Variants in MYRIP observed in about 807,000 individuals in gnomAD.
MYRIP encodes rab effector MyRIP.
In MYRIP, 49 loss-of-function variants were observed where a neutral mutation model predicts 98.0. The observed-to-expected ratio is 0.50, with a 90% CI of 0.40 to 0.63. MYRIP has a LOEUF of 0.63. Among genes scored for constraint, MYRIP ranks in the 30% least tolerant of loss-of-function variants. The pLI is 0.00. For missense variants in MYRIP, 1,004 were observed against 1,058.2 expected (o/e 0.95, Z 0.71); for synonymous variants, 404 against 409.5 (o/e 0.99, Z 0.16).
intron 3 of MYRIP, among the ~76,000 whole-genome samples, chr3:40,083,539 T>G (rs879335426): frequency 6.6e-6 from 1 of 151,846 alleles, no homozygotes; most frequent in African/African-American, 2.4e-5. Flanking sequence ...CAGAGAAGAG[T>G]CTCTGCCTTT....
chr3:39,872,729 G>C (rs962463554), intron 1 of MYRIP, among the ~76,000 whole-genome samples: 7 of 151,934 alleles, frequency 4.6e-5, no homozygotes, highest in Non-Finnish European at 7.4e-5. Context: ...TCTTAATCCA[G>C]TCTATCATTG....
Position 40,210,018 on chromosome 3 carries a change from G to A in MYRIP, c.1830G>A (p.Lys610=), listed in dbSNP as rs777338999. 1.2e-6 allele frequency: 2 copies of A among 1,614,124 alleles called. No homozygotes were observed. The highest frequency in any genetic ancestry group is 1.7e-6 in the Non-Finnish European group (2 of 1,179,986). The part of the protein sequence containing the change: ...SSGEDQESEP[K]TESENQKESL... ...GGGAGGATCAGGAGTCTGAGCCCAA[G>A]ACAGAATCTGAGAACCAGAAGGAAA... Residue 610 remains lysine (K), a synonymous_variant, in exon 11 of 17, where the codon AAG becomes AAA. Coordinates refer to ENST00000302541, the MANE Select transcript of MYRIP (RefSeq NM_015460.4).
intron 3 of MYRIP, among the ~76,000 whole-genome samples, chr3:40,114,620 G>A (rs1415661192): frequency 1.3e-5 from 2 of 152,200 alleles, no homozygotes; most frequent in Non-Finnish European, 2.9e-5. Context: ...GAAAAAAGGA[G>A]CAAAGTTCAG....
intron 2 of MYRIP, among the ~76,000 whole-genome samples, chr3:39,959,179 A>G (rs1945254226): frequency 6.6e-6 from 1 of 152,240 alleles, no homozygotes; most frequent in African/African-American, 2.4e-5. Context: ...ATTACTGGGT[A>G]CATAAAGGAT....
intron 3 of MYRIP, among the ~76,000 whole-genome samples, chr3:40,124,155 T>C (rs1001916382): frequency 2.6e-5 from 4 of 152,080 alleles, no homozygotes; most frequent in Admixed American, 2.0e-4. Flanking sequence ...AGACTTCACC[T>C]CTCAGAGGGA....
chr3:39,809,759 G>A lies in MYRIP; in HGVS notation c.-188G>A. 6.6e-6 allele frequency: 1 copy of A among 152,186 alleles called. No individual in the cohort carries two copies. The highest frequency in any genetic ancestry group is 6.5e-5 in the Admixed American group (1 of 15,280). The allele number at this position is 152,186 out of a possible 1,614,324, so 9.4% of individuals were successfully genotyped here. A position where few individuals can be genotyped will look rare whatever the true frequency, so the allele number is the denominator to read the frequency against. Reference sequence around the variant, plus strand: ...CCCGCGGTGCTGCAGCCCAGCTTTAGCGCGCAGACCGACCCGCGCCCCTTC... The same window carrying A: ...CCCGCGGTGCTGCAGCCCAGCTTTAACGCGCAGACCGACCCGCGCCCCTTC... On this transcript the variant is annotated 5_prime_UTR_variant, in exon 1 of 17. Coordinates refer to ENST00000302541, the MANE Select transcript of MYRIP (RefSeq NM_015460.4).
At chr3:40,132,292 C>G (rs1339189152) in intron 3 of MYRIP, among the ~76,000 whole-genome samples, 2 of 152,192 alleles carry the variant, frequency 1.3e-5, no homozygotes, top group African/African-American at 4.8e-5. Context: ...GAGGTTTACT[C>G]TGAAGCATGT....
At chr3:40,233,702 CTAGTT>C (rs1408411769) in intron 11 of MYRIP, among the ~76,000 whole-genome samples, 152 bp from the exon 12 acceptor site, 1 of 152,176 alleles carries the variant, frequency 6.6e-6, no homozygotes, top group Non-Finnish European at 1.5e-5. Flanking sequence ...TCTGCTGTGT[CTAGTT>C]TAATTTTCTC....
At chr3:40,138,726 T>C (rs930055009) in intron 3 of MYRIP, among the ~76,000 whole-genome samples, 5 of 152,198 alleles carry the variant, frequency 3.3e-5, no homozygotes, top group African/African-American at 1.2e-4. Flanking sequence ...GATATTTTGA[T>C]ACATATCACA....
chr3:39,941,753 C>G (rs1028532457), intron 2 of MYRIP, among the ~76,000 whole-genome samples: 5 of 151,908 alleles, frequency 3.3e-5, no homozygotes, highest in African/African-American at 1.2e-4. Context: ...GCTGGATATT[C>G]GGGTTATGAT....
At position 39,877,893 on chromosome 3, in the gene MYRIP, T is replaced by C. The variant is rs547693651; in HGVS notation, c.-30-22894T>C. 8.7e-3 allele frequency among the ~76,000 whole-genome samples: 1,320 copies of C among 152,214 alleles called. 12 individuals carry two copies. The highest frequency in any genetic ancestry group is 0.03 in the African/African-American group (1,248 of 41,458). The stretch of plus-strand genomic sequence containing the variant: ...TTCAAAGCTGTCAGACAGGGACATA[T>C]AAGTCTGCAGAGGTTACTGCTGTCT... On this transcript the variant is annotated intron_variant, in intron 1 of 16. Transcript: ENST00000302541.
intron 12 of MYRIP, among the ~76,000 whole-genome samples, chr3:40,234,822 C>T (rs1424116908): frequency 1.3e-5 from 2 of 149,814 alleles, no homozygotes; most frequent in African/African-American, 5.0e-5. Context: ...TGGTGAAACC[C>T]TATCTCTACA....
chr3:39,954,041 C>T (rs1190643195), intron 2 of MYRIP, among the ~76,000 whole-genome samples: 2 of 152,174 alleles, frequency 1.3e-5, no homozygotes, highest in African/African-American at 2.4e-5. Flanking sequence ...CCCACCGCAG[C>T]TCAGGGAGTC....
chr3:40,258,049 T>TA, intron 16 of MYRIP, 85 bp from the exon 17 acceptor site: 1 of 1,441,618 alleles, frequency 6.9e-7, no homozygotes, highest in Non-Finnish European at 9.8e-7. Flanking sequence ...CTTTTGATAT[T>TA]AAAAAGCAGT....
At chr3:40,221,097 A>G (rs1952325026) in intron 11 of MYRIP, among the ~76,000 whole-genome samples, 1 of 152,034 alleles carries the variant, frequency 6.6e-6, no homozygotes, top group Non-Finnish European at 1.5e-5. Context: ...TAAGCATATG[A>G]AAAGATATTC....
rs367881173 is a variant in MYRIP at position 39,900,786 on chromosome 3, G to A, written c.-30-1G>A. ...TTGCTTGTATCATTTTGGTTTCCCA[G>A]GTCTTGTTTCATCATCTGTGTTGAG... is the stretch of plus-strand genomic sequence containing the variant. On this transcript the variant is annotated splice_acceptor_variant, in intron 1 of 16. Transcript: ENST00000302541. LOFTEE classifies it low-confidence loss of function (5UTR_SPLICE). 1.3e-6 allele frequency: 2 copies of A among 1,555,122 alleles called. No individual in the cohort carries two copies. The highest frequency in any genetic ancestry group is 1.8e-6 in the Non-Finnish European group (2 of 1,134,544).
chr3:39,904,298 G>C (rs1943822786), intron 2 of MYRIP, among the ~76,000 whole-genome samples: 1 of 152,142 alleles, frequency 6.6e-6, no homozygotes, highest in African/African-American at 2.4e-5. Flanking sequence ...CCAGGTTGGA[G>C]TGCAGTGGCA....
rs370566238 is a variant in MYRIP at position 39,954,272 on chromosome 3, T to C, written c.110+53346T>C. 1.4e-3 allele frequency among the ~76,000 whole-genome samples: 206 copies of C among 152,182 alleles called. 3 individuals carry two copies. In the South Asian group the frequency reaches 0.039, roughly 29 times the overall value. On this transcript the variant is annotated intron_variant, in intron 2 of 16. Coordinates refer to ENST00000302541, the MANE Select transcript of MYRIP (RefSeq NM_015460.4). ...GGAGACACCTCCCAGTAGGGGCCAA[T>C]TGACACCTCATACAGCCAGGTAGGT...
At chr3:40,244,992 G>A (rs1011917381) in intron 13 of MYRIP, among the ~76,000 whole-genome samples, 15 of 152,078 alleles carry the variant, frequency 9.9e-5, no homozygotes, top group Non-Finnish European at 1.9e-4. Context: ...CCCCATTATA[G>A]ACTGAAAGCT....
Sources: gnomAD v4.1 joint callset for allele counts (sites outside exome capture counted in the v4.1 genomes callset) on GRCh38, gnomAD v4.1.1 for gene constraint, MANE v1.5 for transcripts, NCBI Gene and HGNC (gene_info 2026-07-23, HGNC 2026-07-21) for gene names.